The following C12orf42 variants were observed in gnomAD, a reference collection of about 807,000 sequenced individuals.
The protein encoded by C12orf42 is chromosome 12 open reading frame 42.
Under a neutral mutation model 21.6 loss-of-function variants are expected in C12orf42, and 25 were observed. That is an observed-to-expected ratio of 1.16 (90% CI 0.84 to 1.62). The LOEUF is 1.62. C12orf42 is among the 40% of genes most tolerant of loss of function. C12orf42 has a pLI of 0.00. For missense variants in C12orf42, 483 were observed against 459.3 expected (o/e 1.05, Z -0.47); for synonymous variants, 174 against 175.0 (o/e 0.99, Z 0.05).
intron 1 of C12orf42, among the ~76,000 whole-genome samples, chr12:103,485,894 G>C (rs1432011563): frequency 6.6e-6 from 1 of 152,140 alleles, no homozygotes; most frequent in Non-Finnish European, 1.5e-5. Context: ...GGGTTTTCTA[G>C]ATATACAATC....
intron 10 of C12orf42, among the ~76,000 whole-genome samples, chr12:103,240,675 C>G (rs1361936923): frequency 6.6e-6 from 1 of 152,172 alleles, no homozygotes; most frequent in Admixed American, 6.6e-5. Context: ...TCAAAATTCA[C>G]TCCAATATTA....
intron 5 of C12orf42, 28 bp downstream of exon 5, chr12:103,305,946 G>C: frequency 1.3e-6 from 2 of 1,568,152 alleles, no homozygotes; most frequent in Non-Finnish European, 1.7e-6. Flanking sequence ...GAAACAAGAA[G>C]AGTCAGTAAC....
At chr12:103,392,051 T>A (rs1294363403) in intron 3 of C12orf42, among the ~76,000 whole-genome samples, 1 of 152,196 alleles carries the variant, frequency 6.6e-6, no homozygotes, top group East Asian at 1.9e-4. Context: ...TGTGAATATC[T>A]AGTTTTCCCA....
At chr12:103,172,549 T>G in the C12orf42 span, among the ~76,000 whole-genome samples, 5 of 152,108 alleles carry the variant, frequency 3.3e-5, no homozygotes, top group African/African-American at 1.2e-4. Flanking sequence ...AAACAGGGTC[T>G]CAGAGAAGCA....
At chr12:103,529,221 C>T in the C12orf42 span, among the ~76,000 whole-genome samples, 4 of 152,156 alleles carry the variant, frequency 2.6e-5, no homozygotes, top group Admixed American at 6.5e-5. Flanking sequence ...AAGATCTCAA[C>T]CTTTGTGTTC....
chr12:103,244,300 G>T (rs985489168), intron 10 of C12orf42, among the ~76,000 whole-genome samples: 1 of 151,978 alleles, frequency 6.6e-6, no homozygotes, highest in African/African-American at 2.4e-5. Context: ...AAAGACAAGG[G>T]TTAACTGCTC....
chr12:103,162,286 C>T, the C12orf42 span, among the ~76,000 whole-genome samples: 1 of 152,142 alleles, frequency 6.6e-6, no homozygotes, highest in Admixed American at 6.5e-5. Context: ...TCTCCACCAC[C>T]CCCACTCCTG....
rs1250753334 is a variant in C12orf42 at position 103,374,848 on chromosome 12, AGATAAAACT to A, written c.148-5859_148-5851del. On this transcript the variant is annotated intron_variant, in intron 3 of 5. Coordinates refer to ENST00000548883, the MANE Select transcript of C12orf42 (RefSeq NM_198521.5). Reference sequence around the variant, plus strand: ...CAAGCAGGTTGGACAAGCTTTCTCTAGATAAAACTGACCAGTTCTGATAAAGATGATTCT... The same window carrying A: ...CAAGCAGGTTGGACAAGCTTTCTCTAGACCAGTTCTGATAAAGATGATTCT... 6.6e-5 allele frequency among the ~76,000 whole-genome samples: 10 copies of A among 152,318 alleles called. No homozygotes were observed. The East Asian group carries it at 1.9e-3, about 29-fold the overall frequency.
Position 103,426,090 on chromosome 12 carries a change from A to G in C12orf42, c.79-24415T>C, listed in dbSNP as rs1167644240. Among the ~76,000 whole-genome samples, 3 of 152,236 alleles carry G rather than the reference A, an allele frequency of 2.0e-5. No individual in the cohort carries two copies. In the East Asian group the frequency reaches 5.8e-4, roughly 29 times the overall value. ...CACAACTCCTTGTCAGCAAGGGAAC[A>G]AAACTGGACGGAGAATGAGCTTGAT... On this transcript the variant is annotated intron_variant, in intron 2 of 5. Coordinates refer to ENST00000548883, the MANE Select transcript of C12orf42 (RefSeq NM_198521.5).
At chr12:103,236,646 T>C (rs1476837656), downstream of C12orf42, among the ~76,000 whole-genome samples, 2 of 152,174 alleles carry the variant, frequency 1.3e-5, no homozygotes, top group Non-Finnish European at 2.9e-5. Flanking sequence ...GATTCAGTAA[T>C]CAGTAAAATT....
At chr12:103,441,258 T>G (rs146296670) in intron 2 of C12orf42, among the ~76,000 whole-genome samples, 1 of 152,294 alleles carries the variant, frequency 6.6e-6, no homozygotes, top group East Asian at 1.9e-4. Flanking sequence ...ATTTACATTT[T>G]ACCAAATAAT....
the C12orf42 span, among the ~76,000 whole-genome samples, chr12:103,052,848 G>T: frequency 6.6e-6 from 1 of 151,924 alleles, no homozygotes; most frequent in African/African-American, 2.4e-5. Flanking sequence ...GAAATAGGGG[G>T]TCAATATTTT....
the C12orf42 span, among the ~76,000 whole-genome samples, chr12:103,076,770 C>T: frequency 6.6e-6 from 1 of 152,092 alleles, no homozygotes; most frequent in Non-Finnish European, 1.5e-5. Flanking sequence ...TTGCTAAGTG[C>T]TTTATAAATA....
the C12orf42 span, among the ~76,000 whole-genome samples, chr12:103,507,116 TA>T: frequency 8.0e-5 from 1 of 12,432 alleles, no homozygotes; most frequent in Non-Finnish European, 1.0e-4. Context: ...TATAAATATA[TA>T]TTTATATATA....
At chr12:103,463,749 A>C (rs987271112) in intron 2 of C12orf42, among the ~76,000 whole-genome samples, 3 of 152,108 alleles carry the variant, frequency 2.0e-5, no homozygotes, top group African/African-American at 7.2e-5. Flanking sequence ...TCCTGCCCCC[A>C]GCCCCTGACA....
At chr12:103,321,053 A>C (rs185830234) in intron 4 of C12orf42, among the ~76,000 whole-genome samples, 6 of 152,372 alleles carry the variant, frequency 3.9e-5, no homozygotes, top group African/African-American at 1.2e-4. Context: ...GTACTTTAGA[A>C]AGTTTTTTTA....
intron 4 of C12orf42, among the ~76,000 whole-genome samples, chr12:103,334,687 C>T (rs1416098714): frequency 2.0e-5 from 3 of 152,100 alleles, no homozygotes; most frequent in Admixed American, 2.0e-4. Flanking sequence ...CCAGAGGCCA[C>T]GTGAATGGCA....
intron 4 of C12orf42, among the ~76,000 whole-genome samples, chr12:103,338,805 G>A (rs1395902915): frequency 6.6e-6 from 1 of 152,176 alleles, no homozygotes; most frequent in African/African-American, 2.4e-5. Flanking sequence ...GGGGTGGGAT[G>A]TAGTCCAGCA....
chr12:103,556,733 G>A, the C12orf42 span, among the ~76,000 whole-genome samples: 2 of 152,146 alleles, frequency 1.3e-5, no homozygotes, highest in Non-Finnish European at 1.5e-5. Flanking sequence ...AATCCCCAGA[G>A]CCTGTGAATG....
Sources: allele counts gnomAD v4.1 joint callset (sites outside exome capture counted in the v4.1 genomes callset), GRCh38; gene constraint gnomAD v4.1.1; transcripts MANE v1.5; gene names NCBI Gene and HGNC (gene_info 2026-07-23, HGNC 2026-07-21).